PCNX1: variants seen among roughly 807,000 people sequenced by gnomAD.
PCNX1 encodes the protein pecanex-like protein 1.
A neutral mutation model predicts 242.2 loss-of-function variants in PCNX1; 78 were observed. That is an observed-to-expected ratio of 0.32 (90% CI 0.27 to 0.39). The LOEUF (loss-of-function observed/expected upper bound fraction) is 0.39, where lower values mean the gene tolerates loss of function less well. PCNX1 is among the 10% of genes least tolerant of loss of function. The pLI is 1.00. For synonymous variants in PCNX1, 1,024 were observed against 1,032.9 expected (o/e 0.99, Z 0.17); for missense variants, 2,581 against 2,856.5 (o/e 0.90, Z 2.20).
intron 3 of PCNX1, among the ~76,000 whole-genome samples, chr14:70,967,072 A>G (rs139683675): frequency 0.011 from 1,699 of 152,338 alleles, 14 homozygotes; most frequent in South Asian, 0.017. Context: ...TTCAACAGAT[A>G]TATGTATGCA....
intron 16 of PCNX1, among the ~76,000 whole-genome samples, chr14:71,030,008 T>G (rs2060337723): frequency 6.6e-6 from 1 of 152,236 alleles, no homozygotes; most frequent in Admixed American, 6.5e-5. Flanking sequence ...TGTGGACATG[T>G]GTATTCATTT....
intron 24 of PCNX1, among the ~76,000 whole-genome samples, chr14:71,052,940 AAT>A (rs2061079744): frequency 6.6e-6 from 1 of 152,196 alleles, no homozygotes; most frequent in Non-Finnish European, 1.5e-5. Context: ...TAAGGCTTTT[AAT>A]ATAAACACAT....
At chr14:71,064,394 T>C (rs1595412649) in intron 26 of PCNX1, among the ~76,000 whole-genome samples, 1 of 152,272 alleles carries the variant, frequency 6.6e-6, no homozygotes, top group East Asian at 1.9e-4. Context: ...AGGTATCCCA[T>C]TCTCCTTATT....
chr14:71,002,489 C>G (rs1241487322), intron 8 of PCNX1, among the ~76,000 whole-genome samples: 1 of 152,186 alleles, frequency 6.6e-6, no homozygotes, highest in Admixed American at 6.5e-5. Flanking sequence ...CTGTCACCTT[C>G]AAAAAATTCT....
At chr14:70,927,592 A>AT (rs1233405229) in intron 1 of PCNX1, among the ~76,000 whole-genome samples, 14 of 150,596 alleles carry the variant, frequency 9.3e-5, no homozygotes, top group Admixed American at 1.3e-4. Flanking sequence ...TTATTTATTT[A>AT]TTTATTTTTT....
chr14:71,082,479 G>A (rs915807836), intron 28 of PCNX1, among the ~76,000 whole-genome samples: 1 of 152,146 alleles, frequency 6.6e-6, no homozygotes, highest in African/African-American at 2.4e-5. Flanking sequence ...CTATGATTGT[G>A]TGGGAGTCTG....
chr14:70,923,693 C>T (rs541073970), intron 1 of PCNX1, among the ~76,000 whole-genome samples: 55 of 152,296 alleles, frequency 3.6e-4, no homozygotes, highest in African/African-American at 1.3e-3. Context: ...TCTTAAACAT[C>T]TGTCCATCGG....
intron 1 of PCNX1, among the ~76,000 whole-genome samples, chr14:70,942,484 G>T (rs1478747919): frequency 8.1e-6 from 1 of 123,558 alleles, no homozygotes; most frequent in Non-Finnish European, 1.7e-5. Context: ...GCAGATGTGT[G>T]GGGGTGTCCC....
intron 2 of PCNX1, among the ~76,000 whole-genome samples, chr14:70,955,427 G>A (rs2140408008): frequency 6.6e-6 from 1 of 152,262 alleles, no homozygotes; most frequent in Non-Finnish European, 1.5e-5. Flanking sequence ...GTATTGTAAT[G>A]GTGTTGCAAA....
intron 1 of PCNX1, among the ~76,000 whole-genome samples, chr14:70,914,675 CTG>C (rs1206232671): frequency 1.3e-5 from 2 of 152,196 alleles, no homozygotes; most frequent in Non-Finnish European, 2.9e-5. Flanking sequence ...CACCTGGATT[CTG>C]TGTTTTTAAA....
chr14:71,019,184 A>G (rs1220077155), intron 12 of PCNX1, 22 bp downstream of exon 12: 1 of 1,567,412 alleles, frequency 6.4e-7, no homozygotes, highest in African/African-American at 1.4e-5. Context: ...TCTTCTTTTC[A>G]TGCTACGGAA....
At chr14:70,911,548 A>G (rs2140008751) in intron 1 of PCNX1, among the ~76,000 whole-genome samples, 1 of 152,272 alleles carries the variant, frequency 6.6e-6, no homozygotes, top group South Asian at 2.1e-4. Flanking sequence ...ATTTTTGTAC[A>G]TGTCACAGAT....
intron 26 of PCNX1, among the ~76,000 whole-genome samples, chr14:71,069,945 G>A (rs6573994): frequency 0.56 from 84,816 of 152,044 alleles, 25,053 homozygotes; most frequent in East Asian, 0.74. Context: ...AATAGCATTT[G>A]CCCATAGTAT....
In PCNX1 at chr14:71,076,424, A is replaced by G; in HGVS notation, c.5337+5A>G. On this transcript the variant is annotated splice_donor_5th_base_variant and intron_variant, in intron 28 of 35. Transcript: ENST00000304743. ...TGCTCTTCCCGAAGAGCAAAGGTAGAGTTTATTTCATTTATAACTCTTTGA... is the reference window on the plus strand; with the variant it reads ...TGCTCTTCCCGAAGAGCAAAGGTAGGGTTTATTTCATTTATAACTCTTTGA... 1 of 1,552,378 alleles carries G rather than the reference A, an allele frequency of 6.4e-7. No homozygotes were observed. The highest frequency in any genetic ancestry group is 8.9e-7 in the Non-Finnish European group (1 of 1,124,940).
intron 1 of PCNX1, among the ~76,000 whole-genome samples, chr14:70,923,375 A>G (rs755195351): frequency 6.6e-5 from 10 of 152,186 alleles, no homozygotes; most frequent in Non-Finnish European, 1.5e-4. Flanking sequence ...AAAAAAATTC[A>G]TGTTTTTGTC....
At chr14:71,076,021 A>AAT (rs2061709366) in intron 27 of PCNX1, among the ~76,000 whole-genome samples, 168 bp from the exon 28 acceptor site, 1 of 152,060 alleles carries the variant, frequency 6.6e-6, no homozygotes, top group Non-Finnish European at 1.5e-5. Context: ...GTATTCTTAA[A>AAT]ATATATATGT....
At chr14:71,061,296 C>T (rs2061319685) in intron 26 of PCNX1, among the ~76,000 whole-genome samples, 1 of 152,180 alleles carries the variant, frequency 6.6e-6, no homozygotes, top group Non-Finnish European at 1.5e-5. Flanking sequence ...CAGGAGCAAT[C>T]AGAAGTCTTG....
chr14:71,058,775 G>A (rs943566934), intron 26 of PCNX1, among the ~76,000 whole-genome samples: 12 of 152,224 alleles, frequency 7.9e-5, no homozygotes, highest in African/African-American at 2.4e-4. Flanking sequence ...AATTAATGCG[G>A]AGTAAATGTT....
chr14:70,978,271 C>T lies in PCNX1; in HGVS notation c.1934C>T (p.Thr645Ile). The T allele has an allele frequency of 6.2e-7, 1 of 1,614,056 alleles. No homozygotes were observed. The highest frequency in any genetic ancestry group is 8.5e-7 in the Non-Finnish European group (1 of 1,180,008). Residue 645 changes from threonine to isoleucine, a missense_variant, in exon 6 of 36, where the codon ACC becomes ATC. Transcript: ENST00000304743. ...GAGGGCAGATACAGTGCTCTAAAGACCAAACACACTCATAAAGAAAGGGGC... is the reference window on the plus strand; with the variant it reads ...GAGGGCAGATACAGTGCTCTAAAGATCAAACACACTCATAAAGAAAGGGGC... ...SPEGRYSALK[T>I]KHTHKERGTD...
Sources: allele counts gnomAD v4.1 joint callset (sites outside exome capture counted in the v4.1 genomes callset), GRCh38; gene constraint gnomAD v4.1.1; transcripts MANE v1.5; gene names NCBI Gene and HGNC (gene_info 2026-07-23, HGNC 2026-07-21).